The following CD247 variants were observed in gnomAD, a reference collection of about 807,000 sequenced individuals.
CD247 encodes the protein CD247 molecule.
A neutral mutation model predicts 30.0 loss-of-function variants in CD247; 13 were observed. The ratio of observed to expected loss-of-function variants is 0.43; its 90% CI spans 0.28 to 0.69. The LOEUF (loss-of-function observed/expected upper bound fraction) is 0.69. Ranked by LOEUF, CD247 falls within the 30% of genes least tolerant of loss-of-function variation. CD247 has a pLI of 0.16. For synonymous variants in CD247, 72 were observed against 80.0 expected (o/e 0.90, Z 0.53); for missense variants, 193 against 212.6 (o/e 0.91, Z 0.57).
At chr1:167,481,401 C>T (rs1389082158) in intron 1 of CD247, among the ~76,000 whole-genome samples, 1 of 152,064 alleles carries the variant, frequency 6.6e-6, no homozygotes, top group African/African-American at 2.4e-5. Flanking sequence ...AAACTTATAC[C>T]TATATTAAAA....
At chr1:167,458,897 C>A (rs112059667) in intron 1 of CD247, among the ~76,000 whole-genome samples, 2 of 150,706 alleles carry the variant, frequency 1.3e-5, no homozygotes, top group East Asian at 3.9e-4. Flanking sequence ...CTGAGGCAGG[C>A]GGATCACTTG....
At chr1:167,439,717 G>C in intron 2 of CD247, 2 of 408,726 alleles carry the variant, frequency 4.9e-6, no homozygotes, top group Non-Finnish European at 9.1e-6. Flanking sequence ...CTGCGCCCCC[G>C]GGGACATGAG....
chr1:167,471,047 AT>A (rs1486468291), intron 1 of CD247, among the ~76,000 whole-genome samples: 1 of 151,540 alleles, frequency 6.6e-6, no homozygotes, highest in African/African-American at 2.4e-5. Flanking sequence ...AATTTTTTAT[AT>A]TTTTAGTACA....
chr1:167,513,769 T>C (rs928535449), intron 1 of CD247, among the ~76,000 whole-genome samples: 2 of 152,254 alleles, frequency 1.3e-5, no homozygotes, highest in African/African-American at 4.8e-5. Flanking sequence ...TTAGTTATAA[T>C]GTTAGTTGAA....
chr1:167,517,834 C>T (rs1228207277), intron 1 of CD247, among the ~76,000 whole-genome samples: 1 of 152,226 alleles, frequency 6.6e-6, no homozygotes, highest in Non-Finnish European at 1.5e-5. Context: ...GCTGTGGAGG[C>T]TGCCACCCGG....
intron 1 of CD247, among the ~76,000 whole-genome samples, chr1:167,468,864 T>A (rs1046455164): frequency 2.6e-5 from 4 of 151,396 alleles, no homozygotes; most frequent in Admixed American, 6.6e-5. Flanking sequence ...TGATTTGTTG[T>A]GAATTAAGGG....
chr1:167,481,152 T>TCTC (rs1485391118), intron 1 of CD247, among the ~76,000 whole-genome samples: 1 of 152,092 alleles, frequency 6.6e-6, no homozygotes, highest in Non-Finnish European at 1.5e-5. Flanking sequence ...CTGTGTGTGG[T>TCTC]GGCATGTTCA....
At chr1:167,488,036 G>A (rs1015213965) in intron 1 of CD247, among the ~76,000 whole-genome samples, 3 of 152,150 alleles carry the variant, frequency 2.0e-5, no homozygotes, top group African/African-American at 7.2e-5. Flanking sequence ...CTGTGTGCCA[G>A]CCCCACAATA....
At chr1:167,505,198 A>G (rs547088475) in intron 1 of CD247, among the ~76,000 whole-genome samples, 1 of 152,158 alleles carries the variant, frequency 6.6e-6, no homozygotes, top group African/African-American at 2.4e-5. Context: ...TGGTACGATC[A>G]TAGCTCACTG....
In CD247 at chr1:167,508,452, G is replaced by C. The variant is rs1317683851; in HGVS notation, c.58+9956C>G. Reference sequence around the variant, plus strand: ...TGGATACAATTATTTGACTTTCTGAGCTGTTCTTTTGAAGCCTCTATGTTT... The same window carrying C: ...TGGATACAATTATTTGACTTTCTGACCTGTTCTTTTGAAGCCTCTATGTTT... On this transcript the variant is annotated intron_variant, in intron 1 of 7. Transcript: ENST00000362089. Among the ~76,000 whole-genome samples the C allele has an allele frequency of 2.0e-5, 3 of 152,314 alleles. No individual in the cohort carries two copies. In the East Asian group the frequency reaches 5.8e-4, roughly 29 times the overall value.
At chr1:167,456,832 C>T (rs1370347595) in intron 1 of CD247, among the ~76,000 whole-genome samples, 2 of 152,190 alleles carry the variant, frequency 1.3e-5, no homozygotes, top group African/African-American at 4.8e-5. Flanking sequence ...GAGAAGCACC[C>T]AAGTGAGCCA....
chr1:167,438,859 C>A lies in CD247; in HGVS notation c.220-209G>T, dbSNP rs553455948. Among the ~76,000 whole-genome samples the A allele has an allele frequency of 2.2e-4, 33 of 152,238 alleles. 1 individual carries two copies. In the South Asian group the frequency reaches 6.8e-3, roughly 32 times the overall value. ...GCCTTAACATGACAGTGGATGGGAT[C>A]CCCAAAGGTCACCAAGTACTATAGG... is the stretch of plus-strand genomic sequence containing the variant. On this transcript the variant is annotated intron_variant, in intron 3 of 7. Coordinates refer to ENST00000362089, the MANE Select transcript of CD247 (RefSeq NM_198053.3).
At chr1:167,483,491 A>G (rs568326026) in intron 1 of CD247, among the ~76,000 whole-genome samples, 1 of 152,208 alleles carries the variant, frequency 6.6e-6, no homozygotes, top group Non-Finnish European at 1.5e-5. Flanking sequence ...AGTTTTTCCC[A>G]CAAGGGAGCT....
chr1:167,510,386 G>T (rs986329228), intron 1 of CD247, among the ~76,000 whole-genome samples: 2 of 152,306 alleles, frequency 1.3e-5, no homozygotes, highest in Non-Finnish European at 1.5e-5. Context: ...AACCACCAGA[G>T]CCTATGGGTA....
chr1:167,479,695 C>A (rs1310093182), intron 1 of CD247, among the ~76,000 whole-genome samples: 1 of 152,138 alleles, frequency 6.6e-6, no homozygotes, highest in Non-Finnish European at 1.5e-5. Flanking sequence ...CAGCCAGGTC[C>A]ACACCTTTGG....
At chr1:167,453,016 T>G (rs981672406) in intron 1 of CD247, among the ~76,000 whole-genome samples, 2 of 133,450 alleles carry the variant, frequency 1.5e-5, no homozygotes, top group African/African-American at 2.9e-5. Context: ...TGTGCATATA[T>G]ATATATTATA....
At chr1:167,471,831 C>CTTTTTTT (rs111891678) in intron 1 of CD247, among the ~76,000 whole-genome samples, 6 of 117,184 alleles carry the variant, frequency 5.1e-5, no homozygotes, top group East Asian at 2.3e-4. Flanking sequence ...CTGTTTCTTT[C>CTTTTTTT]TTTTTTTTTT....
At chr1:167,496,050 T>C (rs1368218134) in intron 1 of CD247, among the ~76,000 whole-genome samples, 3 of 152,234 alleles carry the variant, frequency 2.0e-5, no homozygotes, top group African/African-American at 7.2e-5. Flanking sequence ...GTTGCTGCTG[T>C]GGTTCAGTTT....
intron 1 of CD247, among the ~76,000 whole-genome samples, chr1:167,483,604 C>A (rs997421257): frequency 6.6e-6 from 1 of 152,208 alleles, no homozygotes; most frequent in Non-Finnish European, 1.5e-5. Flanking sequence ...CTCCCCATCT[C>A]ATAGAGGAGT....
Sources: gnomAD v4.1 joint callset for allele counts (sites outside exome capture counted in the v4.1 genomes callset) on GRCh38, gnomAD v4.1.1 for gene constraint, MANE v1.5 for transcripts, NCBI Gene and HGNC (gene_info 2026-07-23, HGNC 2026-07-21) for gene names.